The following UPRT variants were observed in gnomAD, a reference collection of about 807,000 sequenced individuals.
UPRT encodes the protein RP11-311P8.3.
In UPRT, 5 loss-of-function variants were observed where a neutral mutation model predicts 22.6. That is an observed-to-expected ratio of 0.22 (90% confidence interval 0.12 to 0.47). The LOEUF is 0.47. Ranked by LOEUF, UPRT falls within the 20% of genes least tolerant of loss-of-function variation. UPRT has a pLI of 0.99. For missense variants in UPRT, 181 were observed against 239.9 expected (o/e 0.75, Z 1.62); for synonymous variants, 77 against 87.7 (o/e 0.88, Z 0.68).
At chrX:75,209,207 C>CT (rs2082374031) in intron 4 of UPRT, among the ~76,000 whole-genome samples, 1 of 110,660 alleles carries the variant, frequency 9.0e-6, no homozygotes, top group Admixed American at 9.6e-5. Flanking sequence ...GCCCCCATAT[C>CT]TAATAGGAAA....
chrX:75,168,622 C>T (rs753907189), intron 4 of UPRT, among the ~76,000 whole-genome samples: 164 of 111,111 alleles, frequency 1.5e-3, no homozygotes, highest in Middle Eastern at 4.6e-3. Flanking sequence ...CTCCGCCTCC[C>T]GGGTTCAAGT....
intron 4 of UPRT, among the ~76,000 whole-genome samples, chrX:75,184,720 A>T (rs1431950200): frequency 9.2e-6 from 1 of 108,974 alleles, no homozygotes; most frequent in Non-Finnish European, 1.9e-5. Context: ...GTTTGTAGTT[A>T]TCCTTGAAGA....
intron 4 of UPRT, chrX:75,297,802 A>G: frequency 2.7e-6 from 1 of 365,252 alleles, no homozygotes; most frequent in Non-Finnish European, 4.8e-6. Context: ...AAAGAGATTC[A>G]GAGGAGGATG....
At chrX:75,253,825 T>C (rs1181848185) in intron 4 of UPRT, among the ~76,000 whole-genome samples, 1 of 111,773 alleles carries the variant, frequency 8.9e-6, no homozygotes, top group African/African-American at 3.3e-5. Flanking sequence ...AGGTCTAGGT[T>C]ATGGAAGATT....
intron 4 of UPRT, among the ~76,000 whole-genome samples, chrX:75,168,888 A>G (rs1028564612): frequency 9.0e-6 from 1 of 111,691 alleles, no homozygotes; most frequent in African/African-American, 3.3e-5. Flanking sequence ...CCTGAGCAGG[A>G]TACATTGAAC....
intron 4 of UPRT, among the ~76,000 whole-genome samples, chrX:75,230,194 C>T (rs2082434003): frequency 1.8e-5 from 2 of 111,324 alleles, no homozygotes; most frequent in Non-Finnish European, 3.8e-5. Flanking sequence ...CATAGTGCCC[C>T]TGGGAACATA....
chrX:75,158,007 C>G lies in UPRT; in HGVS notation c.-737+1457C>G, dbSNP rs183555350. Among the ~76,000 whole-genome samples the G allele has an allele frequency of 6.2e-5, 7 of 112,398 alleles. No homozygotes were observed. The East Asian group carries it at 1.9e-3, about 31-fold the overall frequency. On this transcript the variant is annotated intron_variant, in intron 1 of 13. Coordinates refer to the UPRT transcript ENST00000652605. ...GGCTGAATATTGCCACTGAATCTTACCACCCAGTTGTAAAGTCTTTGAATG... is the reference window on the plus strand; with the variant it reads ...GGCTGAATATTGCCACTGAATCTTAGCACCCAGTTGTAAAGTCTTTGAATG...
chrX:75,231,847 T>G (rs1389409949), intron 4 of UPRT, among the ~76,000 whole-genome samples: 3 of 112,285 alleles, frequency 2.7e-5, no homozygotes, highest in Non-Finnish European at 3.8e-5. Flanking sequence ...AAATTAAGTT[T>G]CATAAATGAA....
intron 4 of UPRT, among the ~76,000 whole-genome samples, chrX:75,265,623 A>T (rs1569278012): frequency 9.0e-6 from 1 of 111,552 alleles, no homozygotes; most frequent in Non-Finnish European, 1.9e-5. Flanking sequence ...CCATGGGTTC[A>T]AACTTCCTCC....
intron 4 of UPRT, among the ~76,000 whole-genome samples, chrX:75,299,340 A>C (rs1399778259): frequency 8.9e-6 from 1 of 112,186 alleles, no homozygotes. Flanking sequence ...AATCTTTTGC[A>C]TTTTCTCATA....
chrX:75,189,841 C>T (rs1468659697), intron 4 of UPRT, among the ~76,000 whole-genome samples: 1 of 111,671 alleles, frequency 9.0e-6, no homozygotes, highest in Admixed American at 9.5e-5. Flanking sequence ...GTAGATCTTC[C>T]TCCATCCCTT....
chrX:75,158,805 T>A (rs966015074), intron 1 of UPRT, among the ~76,000 whole-genome samples: 7 of 111,273 alleles, frequency 6.3e-5, no homozygotes, highest in Non-Finnish European at 1.9e-5. Flanking sequence ...AAAACAAATG[T>A]CACCTGCTTA....
chrX:75,232,307 T>A (rs1318269780), intron 4 of UPRT, among the ~76,000 whole-genome samples: 1 of 112,604 alleles, frequency 8.9e-6, no homozygotes, highest in Non-Finnish European at 1.9e-5. Flanking sequence ...GGAGTCTTGC[T>A]GATTGCTAGC....
chrX:75,272,784 A>G (rs768227661), upstream of UPRT, among the ~76,000 whole-genome samples: 3 of 111,362 alleles, frequency 2.7e-5, no homozygotes, highest in Non-Finnish European at 5.7e-5. Context: ...AAAAAAAGGA[A>G]GGACAGAAAT....
At chrX:75,211,315 C>G (rs763285930) in intron 4 of UPRT, among the ~76,000 whole-genome samples, 19 of 111,227 alleles carry the variant, frequency 1.7e-4, no homozygotes, top group Non-Finnish European at 3.2e-4. Flanking sequence ...TCTTTGCAGT[C>G]CCCCAGAGGC....
intron 5 of UPRT, 79 bp downstream of exon 5, chrX:75,299,975 A>G (rs2082738679): frequency 1.9e-6 from 2 of 1,077,346 alleles, no homozygotes; most frequent in South Asian, 2.2e-5. Flanking sequence ...GTACCCTTAT[A>G]TAAAAGGCAA....
intron 4 of UPRT, among the ~76,000 whole-genome samples, chrX:75,198,863 A>G (rs1170201537): frequency 9.0e-6 from 1 of 111,515 alleles, no homozygotes; most frequent in Non-Finnish European, 1.9e-5. Context: ...GAATCTCTGC[A>G]CTTGGGAGAA....
At chrX:75,185,630 CG>C (rs1829095010) in intron 4 of UPRT, among the ~76,000 whole-genome samples, 1 of 111,590 alleles carries the variant, frequency 9.0e-6, no homozygotes, top group African/African-American at 3.3e-5. Flanking sequence ...GGTAGAATTC[CG>C]CTGTGAATCC....
intron 4 of UPRT, among the ~76,000 whole-genome samples, chrX:75,168,456 T>C (rs2082218288): frequency 8.9e-6 from 1 of 111,927 alleles, no homozygotes; most frequent in African/African-American, 3.2e-5. Context: ...TTTTGTCCTT[T>C]TTTATCATTT....
Sources: gnomAD v4.1 joint callset for allele counts (sites outside exome capture counted in the v4.1 genomes callset) on GRCh38, gnomAD v4.1.1 for gene constraint, MANE v1.5 for transcripts, NCBI Gene and HGNC (gene_info 2026-07-23, HGNC 2026-07-21) for gene names.